Variants in SPRED2 observed in about 807,000 individuals in gnomAD.
SPRED2 encodes sprouty related EVH1 domain containing 2.
In SPRED2, 47 loss-of-function variants were observed where a neutral mutation model predicts 43.0. The observed-to-expected ratio is 1.09, with a 90% CI of 0.87 to 1.40. The LOEUF (loss-of-function observed/expected upper bound fraction) is 1.40. Ranked by LOEUF, SPRED2 falls within the 40% of genes most tolerant of loss-of-function variation. The pLI is 0.00. For synonymous variants in SPRED2, 225 were observed against 225.7 expected, an observed-to-expected ratio of 1.00 and a Z score of 0.03; for missense variants, 561 against 586.4, an observed-to-expected ratio of 0.96 and a Z score of 0.45.
chr2:65,366,396 G>A (rs560024026), intron 1 of SPRED2, among the ~76,000 whole-genome samples: 1 of 152,318 alleles, frequency 6.6e-6, no homozygotes, highest in East Asian at 1.9e-4. Flanking sequence ...AGAGCTCTGT[G>A]TCTATCAACA....
chr2:65,377,525 A>G (rs1675270365), intron 1 of SPRED2: 1 of 467,134 alleles, frequency 2.1e-6, no homozygotes, highest in Admixed American at 2.4e-5. Flanking sequence ...AGAAATTCTA[A>G]CAGTGTTCGG....
At chr2:65,360,100 CAAAAAAAAAAAAA>C (rs57801875) in intron 1 of SPRED2, among the ~76,000 whole-genome samples, 5 of 103,232 alleles carry the variant, frequency 4.8e-5, no homozygotes, top group Admixed American at 1.1e-4. Context: ...AAAAAAAAAA[CAAAAAAAAAAAAA>C]ACAAAGACCA....
At chr2:65,322,266 CTCTCTA>C (rs1262982188) in intron 4 of SPRED2, among the ~76,000 whole-genome samples, 860 of 44,408 alleles carry the variant, frequency 0.019, 10 homozygotes, top group Admixed American at 0.033. Flanking sequence ...CTCTCTCTCT[CTCTCTA>C]TATATATATA....
At chr2:65,431,773 C>A (rs1238123568) in intron 1 of SPRED2, among the ~76,000 whole-genome samples, 189 bp downstream of exon 1, 2 of 152,212 alleles carry the variant, frequency 1.3e-5, no homozygotes. Context: ...CGCCCGCCAG[C>A]CCGCAGCAGT....
At chr2:65,387,860 TCA>T (rs1299003893) in intron 1 of SPRED2, among the ~76,000 whole-genome samples, 11 of 151,900 alleles carry the variant, frequency 7.2e-5, no homozygotes, top group African/African-American at 2.7e-4. Flanking sequence ...TGGCATGATC[TCA>T]GTTCACTGCA....
intron 1 of SPRED2, among the ~76,000 whole-genome samples, chr2:65,424,970 G>A (rs11685231): frequency 0.084 from 12,811 of 152,230 alleles, 662 homozygotes; most frequent in East Asian, 0.16. Flanking sequence ...GATGGGCCAA[G>A]CTTCTCTGTG....
At chr2:65,393,340 T>TG (rs397755775) in intron 1 of SPRED2, among the ~76,000 whole-genome samples, 1 of 142,432 alleles carries the variant, frequency 7.0e-6, no homozygotes, top group African/African-American at 2.5e-5. Context: ...TTTTTTTTTT[T>TG]CTTTTTTTTG....
rs1340683510 is a variant in SPRED2, at chr2:65,432,575, C to T, written c.-588G>A. On this transcript the variant is annotated 5_prime_UTR_variant, in exon 1 of 6. Transcript: ENST00000356388. ...GTAGGGCGGAAGCGATGACGTCTTC[C>T]CAGCGGCCAGAGGTGGTGGAGTGCA... 3.3e-5 allele frequency: 5 copies of T among 152,288 alleles called. No individual in the cohort carries two copies. The East Asian group carries it at 9.7e-4, about 29-fold the overall frequency. 9.4% of individuals were successfully genotyped at this position (152,288 alleles called of 1,614,324 possible). A position where few individuals can be genotyped will look rare whatever the true frequency, so the allele number is the denominator to read the frequency against.
intron 1 of SPRED2, among the ~76,000 whole-genome samples, chr2:65,361,405 A>G (rs1030522838): frequency 6.6e-6 from 1 of 152,256 alleles, no homozygotes; most frequent in African/African-American, 2.4e-5. Flanking sequence ...AGAAGAACAG[A>G]AGAAAGTTAA....
intron 2 of SPRED2, among the ~76,000 whole-genome samples, chr2:65,338,034 A>G (rs568407036): frequency 1.3e-5 from 2 of 152,362 alleles, no homozygotes; most frequent in South Asian, 4.1e-4. Flanking sequence ...AAAATGTATC[A>G]ACATTTGGAA....
chr2:65,342,249 C>T lies in SPRED2; in HGVS notation c.204+2470G>A, dbSNP rs1385252280. 3.6e-5 allele frequency among the ~76,000 whole-genome samples: 5 copies of T among 139,394 alleles called. No homozygotes were observed. The South Asian group carries it at 9.0e-4, about 25-fold the overall frequency. 91.4% of individuals were successfully genotyped at this position (139,394 alleles called of 152,430 possible). On this transcript the variant is annotated intron_variant, in intron 2 of 5. Coordinates refer to ENST00000356388, the MANE Select transcript of SPRED2 (RefSeq NM_181784.3). ...ATATTATGTATGTATATTTTGTATA[C>T]GTATATTATGTATGTATATTTTGTA...
intron 1 of SPRED2, among the ~76,000 whole-genome samples, chr2:65,424,960 G>C (rs1459783226): frequency 2.6e-5 from 4 of 152,174 alleles, no homozygotes; most frequent in African/African-American, 9.7e-5. Context: ...TAGAAAGACA[G>C]ATGGGCCAAG....
At chr2:65,339,622 T>G (rs991745493) in intron 2 of SPRED2, among the ~76,000 whole-genome samples, 4 of 151,208 alleles carry the variant, frequency 2.6e-5, no homozygotes, top group Admixed American at 2.6e-4. Flanking sequence ...GTTCACTTGT[T>G]TGTCTGCTGA....
At chr2:65,331,129 T>G (rs949186165) in intron 4 of SPRED2, among the ~76,000 whole-genome samples, 1 of 152,188 alleles carries the variant, frequency 6.6e-6, no homozygotes, top group Non-Finnish European at 1.5e-5. Context: ...CTGTCCAGGC[T>G]GGGCGTGGTG....
chr2:65,380,797 T>A (rs565115235), intron 1 of SPRED2: 2 of 152,282 alleles, frequency 1.3e-5, no homozygotes, highest in East Asian at 3.9e-4. Context: ...ACGTATGTGT[T>A]CAGATGCAAA....
At chr2:65,337,846 T>C in intron 2 of SPRED2, among the ~76,000 whole-genome samples, 1 of 152,216 alleles carries the variant, frequency 6.6e-6, no homozygotes, top group East Asian at 1.9e-4. Context: ...GAAGTATAAA[T>C]TAGAATTCTA....
intron 1 of SPRED2, among the ~76,000 whole-genome samples, chr2:65,430,941 A>C (rs1676668615): frequency 6.6e-6 from 1 of 151,720 alleles, no homozygotes; most frequent in African/African-American, 2.4e-5. Context: ...GACCGCTCAA[A>C]CCCCAGGCAT....
At chr2:65,426,157 A>T (rs902627135) in intron 1 of SPRED2, among the ~76,000 whole-genome samples, 2 of 152,246 alleles carry the variant, frequency 1.3e-5, no homozygotes, top group Non-Finnish European at 2.9e-5. Flanking sequence ...TTTACTTGTC[A>T]GTTCTCGCAA....
intron 1 of SPRED2, among the ~76,000 whole-genome samples, chr2:65,406,280 T>C (rs886298750): frequency 2.0e-5 from 3 of 152,162 alleles, no homozygotes; most frequent in Non-Finnish European, 4.4e-5. Flanking sequence ...TTCTTAATAC[T>C]TGACACCCAA....
Sources: allele counts gnomAD v4.1 joint callset (sites outside exome capture counted in the v4.1 genomes callset), GRCh38; gene constraint gnomAD v4.1.1; transcripts MANE v1.5; gene names NCBI Gene and HGNC (gene_info 2026-07-23, HGNC 2026-07-21).